The following ADAMTS17 variants were observed in gnomAD, a reference collection of about 807,000 sequenced individuals.
ADAMTS17 encodes A disintegrin and metalloproteinase with thrombospondin motifs 17.
In ADAMTS17, 113 loss-of-function variants were observed where a neutral mutation model predicts 141.5. The ratio of observed to expected loss-of-function variants is 0.80; its 90% CI spans 0.69 to 0.93. The LOEUF (loss-of-function observed/expected upper bound fraction) is 0.93, where lower values mean the gene tolerates loss of function less well. Among genes scored for constraint, ADAMTS17 ranks in the 40% least tolerant of loss-of-function variants. The pLI, the probability that ADAMTS17 is intolerant of heterozygous loss-of-function variation, is 0.00. For synonymous variants in ADAMTS17, 768 were observed against 630.6 expected (o/e 1.22, Z -3.27); for missense variants, 1,659 against 1,517.9 (o/e 1.09, Z -1.54).
At chr15:100,152,306 C>G (rs139312284) in intron 10 of ADAMTS17, among the ~76,000 whole-genome samples, 2 of 152,152 alleles carry the variant, frequency 1.3e-5, no homozygotes, top group African/African-American at 4.8e-5. Context: ...AGTAGTAACC[C>G]TGAAGGATTC....
intron 18 of ADAMTS17, among the ~76,000 whole-genome samples, chr15:100,047,494 TTC>T (rs1236791129): frequency 6.6e-6 from 1 of 151,706 alleles, no homozygotes; most frequent in Non-Finnish European, 1.5e-5. Context: ...GCTTTAAAAT[TTC>T]TCTCTTTTGT....
intron 10 of ADAMTS17, among the ~76,000 whole-genome samples, chr15:100,140,444 AACTC>A (rs1247933403): frequency 6.9e-6 from 1 of 144,930 alleles, no homozygotes; most frequent in African/African-American, 2.5e-5. Context: ...AGTCCTGACT[AACTC>A]CAAGACACAC....
chr15:100,341,428 C>G lies in ADAMTS17; in HGVS notation c.80-19G>C. On this transcript the variant is annotated intron_variant, in intron 1 of 21. Coordinates refer to ENST00000268070, the MANE Select transcript of ADAMTS17 (RefSeq NM_139057.4). ...CCGACAGCTGCGGGGAGAGAGGAGA[C>G]GCGTCAGCGCGGCGGGGCCCGCCCG... 8 of 1,013,794 alleles carry G rather than the reference C, an allele frequency of 7.9e-6. No homozygotes were observed. Among genetic ancestry groups the G allele is most frequent in the Non-Finnish European group, 8.2e-6 (7 of 850,182 alleles). The allele number at this position is 1,013,794 out of a possible 1,614,324, so 62.8% of individuals were successfully genotyped here.
intron 4 of ADAMTS17, among the ~76,000 whole-genome samples, chr15:100,280,572 C>G (rs557133259): frequency 1.3e-5 from 2 of 152,184 alleles, no homozygotes; most frequent in African/African-American, 4.8e-5. Flanking sequence ...GGCCCGCCCT[C>G]CCTCACCAGG....
At chr15:100,222,167 C>T (rs1481768742) in intron 7 of ADAMTS17, among the ~76,000 whole-genome samples, 1 of 152,202 alleles carries the variant, frequency 6.6e-6, no homozygotes, top group Admixed American at 6.5e-5. Context: ...GAAGACTCAT[C>T]CACACAGAAC....
intron 8 of ADAMTS17, among the ~76,000 whole-genome samples, chr15:100,193,288 A>T (rs1274555815): frequency 6.6e-6 from 1 of 152,222 alleles, no homozygotes; most frequent in African/African-American, 2.4e-5. Flanking sequence ...TAGAGAGAGG[A>T]CTAAGCCTGT....
intron 15 of ADAMTS17, among the ~76,000 whole-genome samples, chr15:100,078,644 A>G (rs12593798): frequency 0.33 from 50,456 of 152,090 alleles, 10,709 homozygotes; most frequent in African/African-American, 0.58. Context: ...GTAAATCTTC[A>G]TGACCTTGAA....
At chr15:100,094,057 C>T (rs574428514) in intron 15 of ADAMTS17, among the ~76,000 whole-genome samples, 3 of 151,380 alleles carry the variant, frequency 2.0e-5, no homozygotes, top group East Asian at 2.0e-4. Context: ...GATGTGGGCT[C>T]GTGGTCACAG....
chr15:100,178,348 GC>G (rs2040410153), intron 8 of ADAMTS17, among the ~76,000 whole-genome samples: 1 of 152,038 alleles, frequency 6.6e-6, no homozygotes, highest in Non-Finnish European at 1.5e-5. Context: ...TCTAGGTATT[GC>G]CATATACACA....
chr15:100,004,889 G>A (rs58226493), intron 18 of ADAMTS17, among the ~76,000 whole-genome samples: 1,682 of 152,254 alleles, frequency 0.011, 36 homozygotes, highest in African/African-American at 0.039. Context: ...CCAAAGTGCC[G>A]GGATTATAGA....
chr15:100,066,270 T>G (rs1430268034), intron 15 of ADAMTS17, among the ~76,000 whole-genome samples: 7 of 151,492 alleles, frequency 4.6e-5, no homozygotes, highest in Admixed American at 2.6e-4. Context: ...AATGTTTTTG[T>G]GCATCTACTG....
Position 100,119,063 on chromosome 15 carries a change from G to C in ADAMTS17, c.1722-2050C>G, listed in dbSNP as rs75394893. Among the ~76,000 whole-genome samples the C allele has an allele frequency of 7.9e-4, 91 of 115,864 alleles. No individual in the cohort carries two copies. In the East Asian group the frequency reaches 9.3e-3, roughly 12 times the overall value. 76.0% of individuals were successfully genotyped at this position (115,864 alleles called of 152,430 possible). On this transcript the variant is annotated intron_variant, in intron 12 of 21. Transcript: ENST00000268070. ...GGAGATACACACACACACACACACA[G>C]AGACAGGCAGAGAGACACACAAAGA...
rs1264892639 is a variant in ADAMTS17 at position 100,199,545 on chromosome 15, T to C, written c.1076-122A>G. 4 of 836,298 alleles carry C rather than the reference T, an allele frequency of 4.8e-6. No individual in the cohort carries two copies. In the Admixed American group the frequency reaches 6.9e-5, roughly 14 times the overall value. 51.8% of individuals were successfully genotyped at this position (836,298 alleles called of 1,614,324 possible). A position where few individuals can be genotyped will look rare whatever the true frequency, so the allele number is the denominator to read the frequency against. Reference sequence around the variant, plus strand: ...AGGCACACGGCAACAATGGTGACTATGAGCCTCAGCCCACCTGGGAAGGGT... The same window carrying C: ...AGGCACACGGCAACAATGGTGACTACGAGCCTCAGCCCACCTGGGAAGGGT... On this transcript the variant is annotated intron_variant, in intron 7 of 21. Coordinates refer to ENST00000268070, the MANE Select transcript of ADAMTS17 (RefSeq NM_139057.4).
chr15:100,191,090 C>T (rs1156467840), intron 8 of ADAMTS17, among the ~76,000 whole-genome samples: 1 of 152,254 alleles, frequency 6.6e-6, no homozygotes. Context: ...CTGGAAGAGT[C>T]TGGAAGTTCT....
intron 8 of ADAMTS17, among the ~76,000 whole-genome samples, chr15:100,181,997 C>G (rs546109619): frequency 5.3e-5 from 8 of 152,354 alleles, no homozygotes; most frequent in African/African-American, 1.9e-4. Context: ...AAGTTCCAAC[C>G]ACTGGGATGG....
At chr15:100,154,037 C>T (rs1229391193) in intron 9 of ADAMTS17, among the ~76,000 whole-genome samples, 23 of 152,118 alleles carry the variant, frequency 1.5e-4, no homozygotes, top group African/African-American at 3.9e-4. Context: ...AAAAATTATC[C>T]GGGTGTGGTG....
chr15:99,994,313 A>G (rs2060751702), intron 19 of ADAMTS17, among the ~76,000 whole-genome samples: 1 of 152,188 alleles, frequency 6.6e-6, no homozygotes, highest in African/African-American at 2.4e-5. Context: ...GAGTTATAAC[A>G]AACTCAACTT....
intron 7 of ADAMTS17, among the ~76,000 whole-genome samples, chr15:100,213,467 T>G (rs553981970): frequency 7.2e-5 from 11 of 152,136 alleles, no homozygotes; most frequent in Middle Eastern, 3.4e-3. Context: ...TACGGCTTCC[T>G]CCCCGTCCAC....
At chr15:100,239,502 G>C (rs1289579652) in intron 7 of ADAMTS17, among the ~76,000 whole-genome samples, 2 of 124,184 alleles carry the variant, frequency 1.6e-5, no homozygotes, top group Non-Finnish European at 3.6e-5. Flanking sequence ...AGGCCTGTGA[G>C]ATGCTGGACT....
Sources: gnomAD v4.1 joint callset for allele counts (sites outside exome capture counted in the v4.1 genomes callset) on GRCh38, gnomAD v4.1.1 for gene constraint, MANE v1.5 for transcripts, NCBI Gene and HGNC (gene_info 2026-07-23, HGNC 2026-07-21) for gene names.